Variants in PAX5 observed in about 807,000 individuals in gnomAD.
The protein encoded by PAX5 is paired box protein Pax-5.
Under a neutral mutation model 43.7 loss-of-function variants are expected in PAX5, and 9 were observed. That is an observed-to-expected ratio of 0.21 (90% CI 0.12 to 0.36). The LOEUF (loss-of-function observed/expected upper bound fraction) is 0.36. Ranked by LOEUF, PAX5 falls within the 10% of genes least tolerant of loss-of-function variation. The probability of loss-of-function intolerance (pLI) is 1.00; values close to 1 mark genes in which losing one functional copy is unlikely to be tolerated. For missense variants in PAX5, 383 were observed against 532.7 expected, an observed-to-expected ratio of 0.72 and a Z score of 2.77; for synonymous variants, 228 against 214.3, an observed-to-expected ratio of 1.06 and a Z score of -0.56.
intron 7 of PAX5, chr9:36,923,015 C>A (rs1222567661): frequency 2.8e-5 from 7 of 245,646 alleles, no homozygotes; most frequent in Non-Finnish European, 5.5e-5. Context: ...ACCAGGGTGG[C>A]CTTTCTCATG....
At position 37,002,625 on chromosome 9, in the gene PAX5, G is replaced by C. The variant is rs200647189; in HGVS notation, c.604+23C>G. 2.5e-6 allele frequency: 4 copies of C among 1,600,810 alleles called. No individual in the cohort carries two copies. In the East Asian group the frequency reaches 9.0e-5, roughly 36 times the overall value. The stretch of plus-strand genomic sequence containing the variant: ...AGACCCCGTGGAGCGCATCCCCGAC[G>C]GGGCTGCGCGGGCCTCTCTTACCTT... On this transcript the variant is annotated intron_variant, in intron 5 of 9. Coordinates refer to ENST00000358127, the MANE Select transcript of PAX5 (RefSeq NM_016734.3).
intron 1 of PAX5, among the ~76,000 whole-genome samples, chr9:37,022,927 C>T (rs893704931): frequency 6.6e-6 from 1 of 152,212 alleles, no homozygotes; most frequent in African/African-American, 2.4e-5. Flanking sequence ...CCTTCTCCAC[C>T]ATCACAATCC....
intron 7 of PAX5, among the ~76,000 whole-genome samples, chr9:36,893,068 T>A (rs1037691123): frequency 7.2e-5 from 11 of 152,240 alleles, no homozygotes; most frequent in African/African-American, 2.7e-4. Context: ...GCTTGAATAT[T>A]TAACCACATG....
intron 5 of PAX5, among the ~76,000 whole-genome samples, chr9:36,990,807 G>A (rs764178364): frequency 3.9e-5 from 6 of 152,184 alleles, no homozygotes; most frequent in South Asian, 2.1e-4. Flanking sequence ...CCTGCTTCCC[G>A]CTAATTTAAA....
intron 5 of PAX5, among the ~76,000 whole-genome samples, chr9:36,999,925 C>T (rs1163066353): frequency 6.6e-6 from 1 of 152,088 alleles, no homozygotes; most frequent in East Asian, 1.9e-4. Context: ...TCTGCCCAGC[C>T]CCAGACTGCT....
At chr9:36,914,291 G>A (rs911999967) in intron 7 of PAX5, among the ~76,000 whole-genome samples, 20 of 152,288 alleles carry the variant, frequency 1.3e-4, no homozygotes, top group African/African-American at 4.6e-4. Context: ...AATTTTCTAG[G>A]AATGCAACTA....
At chr9:36,909,611 G>A (rs1255017194) in intron 7 of PAX5, among the ~76,000 whole-genome samples, 1 of 152,150 alleles carries the variant, frequency 6.6e-6, no homozygotes, top group African/African-American at 2.4e-5. Flanking sequence ...GGTTAGAACA[G>A]GGTTGAAAAC....
intron 8 of PAX5, among the ~76,000 whole-genome samples, chr9:36,853,497 C>T (rs1229140802): frequency 6.6e-6 from 1 of 152,078 alleles, no homozygotes; most frequent in Non-Finnish European, 1.5e-5. Flanking sequence ...GCCCCAAACC[C>T]CAATGGGTGA....
At chr9:36,978,849 G>A (rs996529446) in intron 5 of PAX5, among the ~76,000 whole-genome samples, 5 of 152,100 alleles carry the variant, frequency 3.3e-5, no homozygotes, top group East Asian at 1.9e-4. Context: ...TCCATTACCC[G>A]CAGCAGGCAG....
chr9:36,941,675 ACCC>A (rs1338226163), intron 6 of PAX5, among the ~76,000 whole-genome samples: 1 of 151,788 alleles, frequency 6.6e-6, no homozygotes, highest in African/African-American at 2.4e-5. Flanking sequence ...CTTGGCCTGT[ACCC>A]ACCTCAAGGC....
intron 5 of PAX5, among the ~76,000 whole-genome samples, chr9:36,999,061 A>G (rs1425055892): frequency 6.6e-6 from 1 of 152,198 alleles, no homozygotes; most frequent in Non-Finnish European, 1.5e-5. Context: ...CACTCAGCAG[A>G]GTGAATGTTT....
intron 8 of PAX5, among the ~76,000 whole-genome samples, chr9:36,868,817 G>A (rs778097500): frequency 2.0e-5 from 3 of 151,896 alleles, no homozygotes; most frequent in Admixed American, 6.6e-5. Context: ...ACCACCTCCC[G>A]AACCCAGTCA....
At chr9:37,010,383 G>C (rs1284493103) in intron 3 of PAX5, among the ~76,000 whole-genome samples, 1 of 152,166 alleles carries the variant, frequency 6.6e-6, no homozygotes, top group Non-Finnish European at 1.5e-5. Context: ...ATTGCACAGC[G>C]AGTCAGCCCA....
chr9:36,852,145 G>A (rs764786924), intron 8 of PAX5, among the ~76,000 whole-genome samples: 25 of 152,302 alleles, frequency 1.6e-4, no homozygotes, highest in Non-Finnish European at 3.2e-4. Flanking sequence ...CCCCTGTGTG[G>A]TGGGGACTAG....
chr9:36,838,825 C>T lies in PAX5; in HGVS notation c.*1735G>A, dbSNP rs1821826230. ...GATGACCCTGCTGCACCAAGGCAGC[C>T]AAGGCTCAAAGAGGTGCAGGGTTTT... On this transcript the variant is annotated 3_prime_UTR_variant, in exon 10 of 10. Coordinates refer to ENST00000358127, the MANE Select transcript of PAX5 (RefSeq NM_016734.3). 1 of 233,190 alleles carries T rather than the reference C, an allele frequency of 4.3e-6. No homozygotes were observed. Among genetic ancestry groups the T allele is most frequent in the African/African-American group, 2.2e-5 (1 of 45,344 alleles). The allele number at this position is 233,190 out of a possible 1,614,324, so 14.4% of individuals were successfully genotyped here.
intron 5 of PAX5, among the ~76,000 whole-genome samples, chr9:36,983,364 C>A (rs74370271): frequency 6.6e-6 from 1 of 152,186 alleles, no homozygotes; most frequent in African/African-American, 2.4e-5. Flanking sequence ...GGAGATTCTA[C>A]GCCTAAGTGC....
In PAX5 at chr9:37,020,807, A is replaced by G; in HGVS notation, c.47-6T>C. The G allele has an allele frequency of 6.2e-7, 1 of 1,613,966 alleles. No homozygotes were observed. Among genetic ancestry groups the G allele is most frequent in the Non-Finnish European group, 8.5e-7 (1 of 1,179,854 alleles). On this transcript the variant is annotated splice_region_variant and splice_polypyrimidine_tract_variant and intron_variant, in intron 1 of 9. Transcript: ENST00000358127. ...CTGATTCACTCCTCCATGTCCTGAA[A>G]CAGATCAGAAACAAAAGGAAAGGGA...
intron 6 of PAX5, among the ~76,000 whole-genome samples, chr9:36,964,447 C>A (rs977588763): frequency 1.3e-4 from 19 of 151,840 alleles, no homozygotes; most frequent in African/African-American, 4.6e-4. Context: ...AAAAAATTAG[C>A]CGGGCGTGGT....
intron 8 of PAX5, 38 bp from the exon 9 acceptor site, chr9:36,846,967 C>A (rs368312519): frequency 6.8e-7 from 1 of 1,475,998 alleles, no homozygotes; most frequent in Non-Finnish European, 9.5e-7. Context: ...AGGAACCAAA[C>A]GTCAAATCCA....
Sources: gnomAD v4.1 joint callset for allele counts (sites outside exome capture counted in the v4.1 genomes callset) on GRCh38, gnomAD v4.1.1 for gene constraint, MANE v1.5 for transcripts, NCBI Gene and HGNC (gene_info 2026-07-23, HGNC 2026-07-21) for gene names.